The following COL11A1 variants were observed in gnomAD, a reference collection of about 807,000 sequenced individuals.
COL11A1 encodes the protein collagen type XI alpha 1 chain.
COL11A1 carries 74 observed loss-of-function variants against 265.2 expected under a neutral mutation model. The ratio of observed to expected loss-of-function variants is 0.28; its 90% CI spans 0.23 to 0.34. The LOEUF (loss-of-function observed/expected upper bound fraction) is 0.34, where lower values mean the gene tolerates loss of function less well. Among genes scored for constraint, COL11A1 ranks in the 10% least tolerant of loss-of-function variants. COL11A1 has a pLI of 1.00. For synonymous variants in COL11A1, 816 were observed against 727.6 expected, an observed-to-expected ratio of 1.12 and a Z score of -1.96; for missense variants, 2,165 against 2,263.6, an observed-to-expected ratio of 0.96 and a Z score of 0.88.
chr1:103,068,113 T>A (rs1370069387), intron 4 of COL11A1, among the ~76,000 whole-genome samples: 1 of 151,610 alleles, frequency 6.6e-6, no homozygotes, highest in Admixed American at 6.6e-5. Flanking sequence ...TATAACCCTA[T>A]CAAAACCTGA....
At chr1:102,893,003 C>T (rs1651958351) in intron 57 of COL11A1, among the ~76,000 whole-genome samples, 1 of 152,122 alleles carries the variant, frequency 6.6e-6, no homozygotes, top group Admixed American at 6.5e-5. Flanking sequence ...GACAAAAAGA[C>T]CACAATGAAA....
intron 38 of COL11A1, among the ~76,000 whole-genome samples, chr1:102,964,185 TTTAG>T (rs1256487905): frequency 6.6e-6 from 1 of 152,210 alleles, no homozygotes; most frequent in African/African-American, 2.4e-5. Context: ...TCCTAAAATA[TTTAG>T]TTACATTCCA....
intron 31 of COL11A1, chr1:102,979,642 A>G (rs749161707): frequency 1.1e-4 from 72 of 649,822 alleles, no homozygotes; most frequent in Admixed American, 3.7e-4. Flanking sequence ...AAATTGATAA[A>G]ACATTTTAGT....
intron 10 of COL11A1, 34 bp from the exon 11 acceptor site, chr1:103,017,916 C>T: frequency 6.8e-7 from 1 of 1,479,140 alleles, no homozygotes; most frequent in Admixed American, 1.7e-5. Flanking sequence ...TAATCAGATT[C>T]CTAATCTCAT....
intron 1 of COL11A1, among the ~76,000 whole-genome samples, chr1:103,083,765 T>C (rs548923774): frequency 1.2e-3 from 176 of 152,286 alleles, no homozygotes; most frequent in Non-Finnish European, 1.8e-3. Flanking sequence ...CCATACTTCA[T>C]TATTTAGGCT....
chr1:103,000,554 G>A (rs181942311), intron 24 of COL11A1, among the ~76,000 whole-genome samples: 1 of 151,858 alleles, frequency 6.6e-6, no homozygotes, highest in African/African-American at 2.4e-5. Flanking sequence ...CAACCACAAT[G>A]AGATAACATT....
At chr1:102,967,066 A>G (rs970545610) in intron 37 of COL11A1, among the ~76,000 whole-genome samples, 2 of 152,008 alleles carry the variant, frequency 1.3e-5, no homozygotes, top group African/African-American at 4.8e-5. Context: ...TCACGTGAGA[A>G]GGTCCCTCAA....
intron 31 of COL11A1, among the ~76,000 whole-genome samples, chr1:102,983,500 A>G (rs1334195710): frequency 6.6e-6 from 1 of 152,058 alleles, no homozygotes; most frequent in Non-Finnish European, 1.5e-5. Context: ...AGGCCAGTTA[A>G]GAAGGGAACA....
intron 3 of COL11A1, among the ~76,000 whole-genome samples, chr1:103,077,937 G>A (rs1452618836): frequency 6.6e-6 from 1 of 151,952 alleles, no homozygotes; most frequent in Non-Finnish European, 1.5e-5. Context: ...TTTCTTAAAG[G>A]AATCAATAAA....
At chr1:103,018,931 A>AGGTTGGG in intron 9 of COL11A1, 72 bp from the exon 10 acceptor site, 1 of 1,145,990 alleles carries the variant, frequency 8.7e-7, no homozygotes, top group Non-Finnish European at 1.3e-6. Flanking sequence ...TGAATATAAG[A>AGGTTGGG]GAACACTATA....
intron 53 of COL11A1, 107 bp downstream of exon 53, chr1:102,913,530 C>T: frequency 9.6e-7 from 1 of 1,038,858 alleles, no homozygotes; most frequent in Non-Finnish European, 1.5e-6. Flanking sequence ...CAAAAAAGTG[C>T]ATATACATAG....
At chr1:103,048,860 A>T (rs901494935) in intron 4 of COL11A1, among the ~76,000 whole-genome samples, 10 of 152,256 alleles carry the variant, frequency 6.6e-5, no homozygotes, top group Admixed American at 2.0e-4. Context: ...TTATGTACCC[A>T]GTAGTGACTC....
In COL11A1 at chr1:102,903,118, A is replaced by C. The variant is rs560574938; in HGVS notation, c.4087-4124T>G. ...CAGTAAAAGGACATGGAACTAGCTAAAATGATAACTTTAGTATTAGAAGTC... is the reference window on the plus strand; with the variant it reads ...CAGTAAAAGGACATGGAACTAGCTACAATGATAACTTTAGTATTAGAAGTC... On this transcript the variant is annotated intron_variant, in intron 54 of 66. Transcript: ENST00000370096. Among the ~76,000 whole-genome samples the C allele has an allele frequency of 6.4e-4, 97 of 152,212 alleles. 1 individual carries two copies. Among genetic ancestry groups the C allele is most frequent in the African/African-American group, 2.3e-3 (96 of 41,550 alleles).
At position 102,879,851 on chromosome 1, in the gene COL11A1, C is replaced by T. The variant is rs906648788; in HGVS notation, c.5106G>A (p.Leu1702=). The T allele has an allele frequency of 1.2e-6, 2 of 1,613,800 alleles. No homozygotes were observed. Among genetic ancestry groups the T allele is most frequent in the African/African-American group, 1.3e-5 (1 of 74,890 alleles). Reference sequence around the variant, plus strand: ...TGAAATTTTGCCGAGCAGAGGCAGTCAGAAGTTTCAGGAATGTCATTTGCA... The same window carrying T: ...TGAAATTTTGCCGAGCAGAGGCAGTTAGAAGTTTCAGGAATGTCATTTGCA... ...NMVQMTFLKL[L]TASARQNFTY... is the part of the protein sequence containing the mutation. The change falls in exon 66 of 67, where the codon CTG becomes CTA. Residue 1702 remains leucine, a synonymous_variant. Coordinates refer to ENST00000370096, the MANE Select transcript of COL11A1 (RefSeq NM_001854.4).
At chr1:102,905,376 TAATAA>T (rs1653832236) in intron 54 of COL11A1, among the ~76,000 whole-genome samples, 1 of 129,028 alleles carries the variant, frequency 7.8e-6, no homozygotes, top group Non-Finnish European at 1.7e-5. Context: ...AGTATAATAA[TAATAA>T]AATAAAAATT....
At chr1:103,071,028 T>C (rs1671543460) in intron 4 of COL11A1, among the ~76,000 whole-genome samples, 1 of 151,980 alleles carries the variant, frequency 6.6e-6, no homozygotes, top group African/African-American at 2.4e-5. Flanking sequence ...AGCATAGTTG[T>C]TATAAATTAT....
At chr1:102,965,403 T>C in intron 38 of COL11A1, 84 bp downstream of exon 38, 1 of 1,224,584 alleles carries the variant, frequency 8.2e-7, no homozygotes, top group South Asian at 1.3e-5. Flanking sequence ...TCATAATAAA[T>C]TTAGAAGATT....
intron 65 of COL11A1, among the ~76,000 whole-genome samples, chr1:102,881,189 T>G (rs1650197500): frequency 6.6e-6 from 1 of 152,056 alleles, no homozygotes; most frequent in Non-Finnish European, 1.5e-5. Context: ...TTAATTTAAT[T>G]TTGACATCTA....
At position 103,002,420 on chromosome 1, in the gene COL11A1, A is replaced by G; in HGVS notation, c.2097+8T>C. The G allele has an allele frequency of 1.2e-6, 2 of 1,605,538 alleles. No individual in the cohort carries two copies. Among genetic ancestry groups the G allele is most frequent in the Non-Finnish European group, 1.7e-6 (2 of 1,175,574 alleles). On this transcript the variant is annotated splice_region_variant and intron_variant, in intron 23 of 66. Transcript: ENST00000370096. ...TATTTCAAAGGAGCTGCAGTGGCTTAGACTTACCTGAGGTCCTGGATTCCC... is the reference window on the plus strand; with the variant it reads ...TATTTCAAAGGAGCTGCAGTGGCTTGGACTTACCTGAGGTCCTGGATTCCC...
Sources: allele counts gnomAD v4.1 joint callset (sites outside exome capture counted in the v4.1 genomes callset), GRCh38; gene constraint gnomAD v4.1.1; transcripts MANE v1.5; gene names NCBI Gene and HGNC (gene_info 2026-07-23, HGNC 2026-07-21).